The following TMEM135 variants were observed in gnomAD, a reference collection of about 807,000 sequenced individuals.
TMEM135 encodes transmembrane protein 135.
A neutral mutation model predicts 60.3 loss-of-function variants in TMEM135; 30 were observed. That is an observed-to-expected ratio of 0.50 (90% CI 0.37 to 0.68). TMEM135 has a LOEUF of 0.68. Ranked by LOEUF, TMEM135 falls within the 30% of genes least tolerant of loss-of-function variation. The pLI is 0.00. For missense variants in TMEM135, 468 were observed against 548.8 expected, an observed-to-expected ratio of 0.85 and a Z score of 1.47; for synonymous variants, 190 against 186.7, an observed-to-expected ratio of 1.02 and a Z score of -0.14.
chr11:87,115,809 G>C (rs1441537910), intron 4 of TMEM135, among the ~76,000 whole-genome samples: 1 of 152,112 alleles, frequency 6.6e-6, no homozygotes, highest in East Asian at 1.9e-4. Context: ...TAAATCCTGT[G>C]ATACTTAAAT....
intron 5 of TMEM135, among the ~76,000 whole-genome samples, chr11:87,234,468 A>G (rs1481512363): frequency 2.0e-5 from 3 of 152,008 alleles, no homozygotes; most frequent in Non-Finnish European, 2.9e-5. Flanking sequence ...TCTCCTAATT[A>G]TTGGTGATAT....
intron 6 of TMEM135, among the ~76,000 whole-genome samples, chr11:87,262,470 G>C (rs929255256): frequency 6.6e-6 from 1 of 152,112 alleles, no homozygotes; most frequent in Non-Finnish European, 1.5e-5. Flanking sequence ...GCTGTACTTT[G>C]AGGTGGAACA....
intron 1 of TMEM135, among the ~76,000 whole-genome samples, chr11:87,060,177 G>A (rs1442462349): frequency 5.3e-5 from 8 of 152,276 alleles, no homozygotes; most frequent in Non-Finnish European, 1.5e-5. Flanking sequence ...AAAGTTAATT[G>A]CACAGCTGGT....
At position 87,197,655 on chromosome 11, in the gene TMEM135, C is replaced by CAA. The variant is rs59258347; in HGVS notation, c.463-38974_463-38973dup. On this transcript the variant is annotated intron_variant, in intron 5 of 14. Transcript: ENST00000305494. ...CAGTGTGGTTTTATGTGTAGCTTAG[C>CAA]AAAAAAAAAATGTCACTTGAGGCTA... Among the ~76,000 whole-genome samples, 763 of 145,698 alleles carry CAA rather than the reference C, an allele frequency of 5.2e-3. 32 individuals are homozygous for CAA. In the East Asian group the frequency reaches 0.089, roughly 17 times the overall value.
Position 87,055,505 on chromosome 11 carries a change from T to A in TMEM135, c.142-12189T>A, listed in dbSNP as rs139722104. Among the ~76,000 whole-genome samples the A allele has an allele frequency of 1.7e-3, 253 of 152,328 alleles. 1 individual carries two copies. Among genetic ancestry groups the A allele is most frequent in the African/African-American group, 5.8e-3 (243 of 41,570 alleles). Reference sequence around the variant, plus strand: ...TCAATTACAAATGTTAGAAAAACTATTTTGAATAACTTCTATTTGTCTTCC... The same window carrying A: ...TCAATTACAAATGTTAGAAAAACTAATTTGAATAACTTCTATTTGTCTTCC... On this transcript the variant is annotated intron_variant, in intron 1 of 14. Coordinates refer to ENST00000305494, the MANE Select transcript of TMEM135 (RefSeq NM_022918.4).
intron 10 of TMEM135, 54 bp from the exon 11 acceptor site, chr11:87,313,371 C>A: frequency 1.4e-6 from 2 of 1,436,650 alleles, no homozygotes; most frequent in African/African-American, 1.4e-5. Context: ...TTGTTTTATG[C>A]TTTTATTTCT....
At chr11:87,127,119 G>C (rs1016431588) in intron 4 of TMEM135, among the ~76,000 whole-genome samples, 7 of 152,116 alleles carry the variant, frequency 4.6e-5, no homozygotes, top group African/African-American at 1.7e-4. Context: ...CATAAAAAAA[G>C]TAATCTGGTT....
chr11:87,159,997 C>T (rs191507890), intron 5 of TMEM135, among the ~76,000 whole-genome samples: 202 of 152,066 alleles, frequency 1.3e-3, no homozygotes, highest in Admixed American at 2.4e-3. Flanking sequence ...ATTTATTTGT[C>T]CTAGGGCATT....
intron 5 of TMEM135, among the ~76,000 whole-genome samples, chr11:87,182,377 G>A (rs1345082714): frequency 1.3e-5 from 2 of 152,084 alleles, no homozygotes; most frequent in African/African-American, 4.8e-5. Flanking sequence ...ATTACAGGTT[G>A]TTGAATATAA....
At chr11:87,122,649 C>T (rs1004290009) in intron 4 of TMEM135, among the ~76,000 whole-genome samples, 10 of 151,936 alleles carry the variant, frequency 6.6e-5, no homozygotes, top group East Asian at 1.9e-4. Flanking sequence ...TTAGTAGAGA[C>T]GGGGTTTCGC....
At chr11:87,175,230 G>A (rs1306329869) in intron 5 of TMEM135, among the ~76,000 whole-genome samples, 2 of 152,094 alleles carry the variant, frequency 1.3e-5, no homozygotes, top group African/African-American at 4.8e-5. Context: ...TATACTTCAT[G>A]CCAGAATCAC....
chr11:87,316,635 T>C (rs1942735840), intron 12 of TMEM135, among the ~76,000 whole-genome samples: 2 of 151,952 alleles, frequency 1.3e-5, no homozygotes, highest in South Asian at 4.1e-4. Context: ...AAGAGTAGAA[T>C]TGGCAAGACT....
chr11:87,081,478 G>A (rs1856991501), intron 3 of TMEM135, among the ~76,000 whole-genome samples: 2 of 151,822 alleles, frequency 1.3e-5, no homozygotes, highest in South Asian at 4.2e-4. Context: ...TATTGGATTT[G>A]TTTTTTGTTT....
chr11:87,172,457 G>A (rs1477795401), intron 5 of TMEM135, among the ~76,000 whole-genome samples: 2 of 151,228 alleles, frequency 1.3e-5, no homozygotes, highest in Non-Finnish European at 2.9e-5. Flanking sequence ...TTTGTATTAC[G>A]ACACGGTATT....
At chr11:87,054,982 T>C (rs946623596) in intron 1 of TMEM135, among the ~76,000 whole-genome samples, 6 of 152,216 alleles carry the variant, frequency 3.9e-5, no homozygotes, top group African/African-American at 7.2e-5. Context: ...ATATTACATG[T>C]TACCTACAAT....
At chr11:87,099,471 GA>G (rs1857403025) in intron 4 of TMEM135, among the ~76,000 whole-genome samples, 1 of 151,860 alleles carries the variant, frequency 6.6e-6, no homozygotes, top group Admixed American at 6.6e-5. Flanking sequence ...ATATTTAATT[GA>G]TACAGTCAGG....
intron 4 of TMEM135, 147 bp from the exon 5 acceptor site, chr11:87,157,194 T>G: frequency 1.5e-6 from 1 of 678,586 alleles, no homozygotes. Flanking sequence ...GCTAGGACTA[T>G]AGGCATATAC....
At chr11:87,080,086 C>T (rs1194262116) in intron 3 of TMEM135, among the ~76,000 whole-genome samples, 1 of 151,550 alleles carries the variant, frequency 6.6e-6, no homozygotes, top group African/African-American at 2.4e-5. Context: ...GTGATCTGCC[C>T]TCCTCAGCTT....
At chr11:87,060,594 G>A (rs1949936168) in intron 1 of TMEM135, among the ~76,000 whole-genome samples, 1 of 151,592 alleles carries the variant, frequency 6.6e-6, no homozygotes, top group South Asian at 2.1e-4. Flanking sequence ...TGCTCTGCCT[G>A]TATCAGTCAC....
Sources: gnomAD v4.1 joint callset for allele counts (sites outside exome capture counted in the v4.1 genomes callset) on GRCh38, gnomAD v4.1.1 for gene constraint, MANE v1.5 for transcripts, NCBI Gene and HGNC (gene_info 2026-07-23, HGNC 2026-07-21) for gene names.